KCNQ5: variants seen among roughly 807,000 people sequenced by gnomAD.
KCNQ5 encodes the protein potassium voltage-gated channel subfamily KQT member 5.
Under a neutral mutation model 98.2 loss-of-function variants are expected in KCNQ5, and 30 were observed. The ratio of observed to expected loss-of-function variants is 0.31; its 90% CI spans 0.23 to 0.41. The LOEUF is 0.41. Among genes scored for constraint, KCNQ5 ranks in the 10% least tolerant of loss-of-function variants. The pLI is 1.00. For missense variants in KCNQ5, 835 were observed against 1,182.5 expected (o/e 0.71, Z 4.31); for synonymous variants, 458 against 449.4 (o/e 1.02, Z -0.24).
intron 1 of KCNQ5, among the ~76,000 whole-genome samples, chr6:72,955,697 T>C (rs1767008421): frequency 6.6e-6 from 1 of 152,320 alleles, no homozygotes. Flanking sequence ...TTTTGCATTT[T>C]GTACTTTGAA....
chr6:72,700,169 A>G (rs1487629780), intron 1 of KCNQ5, among the ~76,000 whole-genome samples: 1 of 152,194 alleles, frequency 6.6e-6, no homozygotes, highest in African/African-American at 2.4e-5. Context: ...CAACTCTTAA[A>G]TGGGCAGGAA....
At chr6:72,715,006 G>A (rs1436513352) in intron 1 of KCNQ5, among the ~76,000 whole-genome samples, 5 of 152,094 alleles carry the variant, frequency 3.3e-5, no homozygotes, top group South Asian at 2.1e-4. Context: ...TTTTTTTAAT[G>A]TAGGCAAGAA....
chr6:72,767,655 C>G (rs1013156641), intron 1 of KCNQ5, among the ~76,000 whole-genome samples: 1 of 151,920 alleles, frequency 6.6e-6, no homozygotes, highest in African/African-American at 2.4e-5. Context: ...AAAGACATTT[C>G]ATTTTAACAA....
At chr6:72,973,107 A>G (rs1205056326) in intron 1 of KCNQ5, among the ~76,000 whole-genome samples, 1 of 152,226 alleles carries the variant, frequency 6.6e-6, no homozygotes. Context: ...ACATTCACTG[A>G]TGTCCCAAAT....
intron 1 of KCNQ5, among the ~76,000 whole-genome samples, chr6:72,950,170 A>G (rs1335521821): frequency 1.3e-5 from 2 of 152,364 alleles, no homozygotes; most frequent in Admixed American, 6.5e-5. Context: ...TTTGCCTGCT[A>G]GAAGTTTGAT....
chr6:72,941,707 T>C (rs1766318882), intron 1 of KCNQ5, among the ~76,000 whole-genome samples: 1 of 20,116 alleles, frequency 5.0e-5, no homozygotes, highest in African/African-American at 1.6e-4. Context: ...TTTCTTTCTT[T>C]CTTTCTTTCT....
chr6:73,157,049 G>C (rs1777388699), intron 10 of KCNQ5, among the ~76,000 whole-genome samples: 1 of 152,232 alleles, frequency 6.6e-6, no homozygotes, highest in Non-Finnish European at 1.5e-5. Context: ...GGCCAGGCAG[G>C]ATGAACCACC....
At chr6:72,981,080 T>A (rs1222413247) in intron 1 of KCNQ5, among the ~76,000 whole-genome samples, 1 of 152,234 alleles carries the variant, frequency 6.6e-6, no homozygotes, top group Admixed American at 6.5e-5. Context: ...ATTGAGGATT[T>A]TCTCATCGAT....
At chr6:73,080,205 A>T (rs371833201) in intron 5 of KCNQ5, among the ~76,000 whole-genome samples, 2 of 152,322 alleles carry the variant, frequency 1.3e-5, no homozygotes, top group Middle Eastern at 3.4e-3. Flanking sequence ...TGTGACTTTC[A>T]GGGGAAGAAA....
intron 10 of KCNQ5, among the ~76,000 whole-genome samples, chr6:73,154,540 T>TGA (rs150870806): frequency 1.1e-4 from 17 of 151,070 alleles, no homozygotes; most frequent in South Asian, 6.3e-4. Context: ...GATGATACAG[T>TGA]GAGAGAGAGA....
intron 1 of KCNQ5, among the ~76,000 whole-genome samples, chr6:72,782,257 T>A (rs1773516671): frequency 2.0e-5 from 3 of 152,014 alleles, no homozygotes; most frequent in Admixed American, 6.6e-5. Context: ...TCTCTCTCTC[T>A]CTCTCTCTCC....
intron 1 of KCNQ5, among the ~76,000 whole-genome samples, chr6:72,758,522 A>G (rs529913288): frequency 3.7e-4 from 56 of 152,248 alleles, no homozygotes; most frequent in African/African-American, 1.3e-3. Flanking sequence ...ATATTCTCCT[A>G]ACTAAGAGCT....
chr6:72,963,984 C>T (rs980477634), intron 1 of KCNQ5, among the ~76,000 whole-genome samples: 3 of 152,096 alleles, frequency 2.0e-5, no homozygotes, highest in African/African-American at 7.2e-5. Context: ...TGGTGAGCTT[C>T]GTATATTTTT....
At chr6:72,791,127 T>C (rs868258051) in intron 1 of KCNQ5, among the ~76,000 whole-genome samples, 3 of 152,208 alleles carry the variant, frequency 2.0e-5, no homozygotes, top group African/African-American at 7.2e-5. Flanking sequence ...GCGAGGCCTC[T>C]CGGGAGAAGC....
chr6:72,967,616 G>A (rs879641747), intron 1 of KCNQ5: 5 of 153,898 alleles, frequency 3.2e-5, no homozygotes, highest in Middle Eastern at 7.9e-4. Context: ...CTGCTCTCAA[G>A]AATGTAGAGT....
intron 2 of KCNQ5, among the ~76,000 whole-genome samples, chr6:73,021,249 T>C (rs762680528): frequency 2.0e-5 from 3 of 152,192 alleles, no homozygotes; most frequent in Non-Finnish European, 2.9e-5. Context: ...TTGGTTTCCA[T>C]ACATACTTTT....
At chr6:72,996,240 T>A (rs1381830820) in intron 1 of KCNQ5, among the ~76,000 whole-genome samples, 1 of 152,240 alleles carries the variant, frequency 6.6e-6, no homozygotes, top group Non-Finnish European at 1.5e-5. Flanking sequence ...ACACTATTAC[T>A]ATTTGTAATG....
chr6:72,622,322 A>C lies in KCNQ5; in HGVS notation c.133A>C (p.Arg45=). The part of the protein sequence containing the change: ...GMKDVESGRG[R]VLLNSAAARG... ...GAAGGATGTGGAGTCCGGCCGGGGC[A>C]GGGTGCTGCTGAACTCGGCAGCCGC... Residue 45 remains arginine, a synonymous_variant, in exon 1 of 14, where the codon AGG becomes CGG. Coordinates refer to ENST00000370398, the MANE Select transcript of KCNQ5 (RefSeq NM_019842.4). The surrounding 1 kb of genome is among the most constrained non-coding windows in gnomAD (Gnocchi z 6.0). 1 of 1,400,658 alleles carries C rather than the reference A, an allele frequency of 7.1e-7. No homozygotes were observed. Among genetic ancestry groups the C allele is most frequent in the South Asian group, 1.6e-5 (1 of 63,114 alleles). 86.8% of individuals were successfully genotyped at this position (1,400,658 alleles called of 1,614,324 possible). A position where few individuals can be genotyped will look rare whatever the true frequency, so the allele number is the denominator to read the frequency against.
intron 1 of KCNQ5, among the ~76,000 whole-genome samples, chr6:72,980,467 G>T (rs545257043): frequency 6.6e-6 from 1 of 151,500 alleles, no homozygotes; most frequent in African/African-American, 2.4e-5. Context: ...TCATGATTTG[G>T]CTCTGTTTGT....
Sources: allele counts gnomAD v4.1 joint callset (sites outside exome capture counted in the v4.1 genomes callset), GRCh38; gene constraint gnomAD v4.1.1; non-coding constraint Gnocchi (gnomAD v3.1); transcripts MANE v1.5; gene names NCBI Gene and HGNC (gene_info 2026-07-23, HGNC 2026-07-21).